KCNA3: variants seen among roughly 807,000 people sequenced by gnomAD.
The protein encoded by KCNA3 is potassium voltage-gated channel subfamily A member 3, also known as RP11-284N8.3.
KCNA3 carries 18 observed loss-of-function variants against 34.3 expected under a neutral mutation model. That is an observed-to-expected ratio of 0.52 (90% confidence interval 0.36 to 0.78). KCNA3 has a LOEUF of 0.78. Among genes scored for constraint, KCNA3 ranks in the 30% least tolerant of loss-of-function variants. The pLI is 0.00. For missense variants in KCNA3, 587 were observed against 802.5 expected, an observed-to-expected ratio of 0.73 and a Z score of 3.24; for synonymous variants, 324 against 351.7, an observed-to-expected ratio of 0.92 and a Z score of 0.88.
downstream of KCNA3, among the ~76,000 whole-genome samples, chr1:110,670,916 C>G (rs1026991758): frequency 5.3e-5 from 8 of 152,082 alleles, no homozygotes; most frequent in African/African-American, 1.9e-4. Context: ...AATAGGGTTA[C>G]TCTCATTTAC....
chr1:110,661,935 C>T, the KCNA3 span, among the ~76,000 whole-genome samples: 155 of 151,604 alleles, frequency 1.0e-3, no homozygotes, highest in Middle Eastern at 6.8e-3. Flanking sequence ...GGTGAAACCC[C>T]GTCTCTACTA....
downstream of KCNA3, among the ~76,000 whole-genome samples, chr1:110,670,284 T>C (rs562436009): frequency 2.0e-5 from 3 of 152,228 alleles, no homozygotes; most frequent in Non-Finnish European, 4.4e-5. Context: ...ACAGAGCTTA[T>C]ATCCTTTAGG....
At position 110,674,333 on chromosome 1, in the gene KCNA3, G is replaced by A. The variant is rs367692150; in HGVS notation, c.477C>T (p.Ile159=). 2 of 1,614,090 alleles carry A rather than the reference G, an allele frequency of 1.2e-6. No individual in the cohort carries two copies. Among genetic ancestry groups the A allele is most frequent in the South Asian group, 1.1e-5 (1 of 91,092 alleles). Residue 159 remains isoleucine (I), a synonymous_variant, in exon 1 of 1, where the codon ATC becomes ATT. Transcript: ENST00000369769. The surrounding 1 kb of genome is among the most constrained non-coding windows in gnomAD (Gnocchi z 6.4). ...FDRNRPSFDA[I]LYYYQSGGRI... Reference sequence around the variant, plus strand: ...GGCCCCCGGACTGATAGTAGTAGAGGATGGCGTCGAAGCTGGGCCGGTTGC... The same window carrying A: ...GGCCCCCGGACTGATAGTAGTAGAGAATGGCGTCGAAGCTGGGCCGGTTGC...
chr1:110,664,510 A>C, the KCNA3 span, among the ~76,000 whole-genome samples: 1 of 152,186 alleles, frequency 6.6e-6, no homozygotes, highest in East Asian at 1.9e-4. Flanking sequence ...GAGCATGATG[A>C]GGAGTGTAAG....
At chr1:110,671,973 A>T (rs1651905930), downstream of KCNA3, among the ~76,000 whole-genome samples, 1 of 152,214 alleles carries the variant, frequency 6.6e-6, no homozygotes, top group African/African-American at 2.4e-5. Flanking sequence ...TTTCATAGTT[A>T]AAAAATGCAT....
Position 110,673,369 on chromosome 1 carries a change from A to G in KCNA3, c.1441T>C (p.Ser481Pro). The G allele has an allele frequency of 6.2e-7, 1 of 1,614,012 alleles. No individual in the cohort carries two copies. Among genetic ancestry groups the G allele is most frequent in the Non-Finnish European group, 8.5e-7 (1 of 1,179,984 alleles). Residue 481 changes from serine (S) to proline (P), a missense_variant, in exon 1 of 1, where the codon TCC (serine) becomes CCC (proline). Physicochemically the swap from Ser to Pro is moderately conservative, Grantham distance 74. Around this residue, in one of 7 missense-constraint regions of KCNA3, gnomAD observed 7 missense variants for 16.3 expected, o/e 0.43. Transcript: ENST00000369769. The surrounding 1 kb of genome is among the most constrained non-coding windows in gnomAD (Gnocchi z 8.8). ...TIALPVPVIVSNFNYFYHRET... is the reference protein window; with the variant it reads ...TIALPVPVIVPNFNYFYHRET... ...CGGTGGTAGAAGTAATTGAAGTTGG[A>G]AACAATCACGGGAACTGGCAATGCG...
At chr1:110,668,877 T>C (rs1185492156), downstream of KCNA3, among the ~76,000 whole-genome samples, 5 of 152,142 alleles carry the variant, frequency 3.3e-5, no homozygotes, top group African/African-American at 7.2e-5. Flanking sequence ...ACAGTGAAGG[T>C]TGTAGTTTGG....
At chr1:110,660,692 A>C in the KCNA3 span, among the ~76,000 whole-genome samples, 1 of 152,268 alleles carries the variant, frequency 6.6e-6, no homozygotes, top group Non-Finnish European at 1.5e-5. Context: ...AAATTAAGAC[A>C]ATAATAACCA....
Position 110,674,572 on chromosome 1 carries a change from C to A in KCNA3, c.238G>T (p.Gly80Cys). The A allele has an allele frequency of 6.4e-7, 1 of 1,571,646 alleles. No individual in the cohort carries two copies. The change falls in exon 1 of 1, where the codon GGC becomes TGC. Residue 80 changes from glycine to cysteine, a missense_variant. By Grantham distance (159) the Gly-to-Cys change is radical (BLOSUM62 -3). Coordinates refer to ENST00000369769, the MANE Select transcript of KCNA3 (RefSeq NM_002232.5). The surrounding 1 kb of genome is among the most constrained non-coding windows in gnomAD (Gnocchi z 6.4). ...GGAPPQGGCG[G>C]GGCDRYEPLP... ...GGCTCGTAGCGGTCGCAGCCGCCGC[C>A]GCCACAGCCGCCTTGAGGCGGGGCC...
the KCNA3 span, chr1:110,656,689 C>G: frequency 1.3e-5 from 2 of 152,228 alleles, no homozygotes; most frequent in Non-Finnish European, 2.9e-5. Flanking sequence ...GCAAACACTT[C>G]TATCACTCCA....
At chr1:110,659,922 G>C in the KCNA3 span, among the ~76,000 whole-genome samples, 1 of 146,224 alleles carries the variant, frequency 6.8e-6, no homozygotes, top group East Asian at 2.0e-4. Context: ...ACATCTGCCT[G>C]TTGGGGGGTG....
At chr1:110,665,182 T>G in the KCNA3 span, among the ~76,000 whole-genome samples, 1 of 152,170 alleles carries the variant, frequency 6.6e-6, no homozygotes, top group Non-Finnish European at 1.5e-5. Flanking sequence ...GATAAATGTT[T>G]TTAAAGAATC....
the KCNA3 span, chr1:110,655,675 C>T: frequency 1.3e-5 from 2 of 152,110 alleles, no homozygotes; most frequent in Non-Finnish European, 2.9e-5. Flanking sequence ...CCTTTTATGA[C>T]AGAGGCCTTT....
chr1:110,666,645 G>A, the KCNA3 span, among the ~76,000 whole-genome samples: 1 of 152,208 alleles, frequency 6.6e-6, no homozygotes, highest in Non-Finnish European at 1.5e-5. Flanking sequence ...CTACCAGGAA[G>A]AGAAAGGGTC....
the KCNA3 span, chr1:110,654,289 CT>C: frequency 6.6e-6 from 1 of 152,062 alleles, no homozygotes; most frequent in African/African-American, 2.4e-5. Context: ...GGAAAATGAG[CT>C]TTCTTAAAAT....
the KCNA3 span, among the ~76,000 whole-genome samples, chr1:110,661,179 A>T: frequency 6.6e-6 from 1 of 152,182 alleles, no homozygotes; most frequent in African/African-American, 2.4e-5. Context: ...CAGGCGCCCA[A>T]AACCAGTGGT....
At position 110,674,278 on chromosome 1, in the gene KCNA3, C is replaced by G. The variant is rs771436430; in HGVS notation, c.532G>C (p.Asp178His). 6.2e-7 allele frequency: 1 copy of G among 1,614,144 alleles called. No homozygotes were observed. The change falls in exon 1 of 1, where the codon GAC becomes CAC. Residue 178 changes from aspartate (D) to histidine (H), a missense_variant. Coordinates refer to ENST00000369769, the MANE Select transcript of KCNA3 (RefSeq NM_002232.5). The surrounding 1 kb of genome is among the most constrained non-coding windows in gnomAD (Gnocchi z 6.4). ...RIRRPVNVPI[D>H]IFSEEIRFYQ... ...AAGCGGATCTCCTCGGAGAAAATGT[C>G]GATGGGCACGTTGACCGGCCGGCGG...
chr1:110,661,936 G>A, the KCNA3 span, among the ~76,000 whole-genome samples: 3 of 151,314 alleles, frequency 2.0e-5, no homozygotes, highest in Non-Finnish European at 4.4e-5. Context: ...GTGAAACCCC[G>A]TCTCTACTAA....
chr1:110,654,930 C>T, the KCNA3 span: 2 of 151,972 alleles, frequency 1.3e-5, no homozygotes, highest in African/African-American at 2.4e-5. Context: ...TAAAGATTTT[C>T]AATGCTAAAT....
Sources: allele counts gnomAD v4.1 joint callset (sites outside exome capture counted in the v4.1 genomes callset), GRCh38; gene constraint gnomAD v4.1.1; regional missense constraint gnomAD v4.1.1; non-coding constraint Gnocchi (gnomAD v3.1); transcripts MANE v1.5; gene names NCBI Gene and HGNC (gene_info 2026-07-23, HGNC 2026-07-21).